The following TIAM1 variants were observed in gnomAD, a reference collection of about 807,000 sequenced individuals.
The protein encoded by TIAM1 is TIAM Rac1 associated GEF 1, also known as rho guanine nucleotide exchange factor TIAM1.
A neutral mutation model predicts 163.5 loss-of-function variants in TIAM1; 65 were observed. The ratio of observed to expected loss-of-function variants is 0.40; its 90% CI spans 0.33 to 0.49. The LOEUF (loss-of-function observed/expected upper bound fraction) is 0.49. Among genes scored for constraint, TIAM1 ranks in the 20% least tolerant of loss-of-function variants. The probability of loss-of-function intolerance (pLI) is 0.77; values close to 1 mark genes in which losing one functional copy is unlikely to be tolerated. For synonymous variants in TIAM1, 833 were observed against 810.1 expected (o/e 1.03, Z -0.48); for missense variants, 1,789 against 2,044.7 (o/e 0.87, Z 2.41).
chr21:31,166,050 A>C (rs2084199927), intron 15 of TIAM1, among the ~76,000 whole-genome samples: 1 of 152,224 alleles, frequency 6.6e-6, no homozygotes, highest in Non-Finnish European at 1.5e-5. Flanking sequence ...AAACTGACAG[A>C]GCATCTGGAT....
intron 1 of TIAM1, among the ~76,000 whole-genome samples, chr21:31,513,749 T>C (rs958225432): frequency 6.6e-6 from 1 of 152,244 alleles, no homozygotes; most frequent in Non-Finnish European, 1.5e-5. Flanking sequence ...GACTCATGCC[T>C]GTAATTCCAG....
At chr21:31,239,852 G>A (rs933700301) in intron 6 of TIAM1, among the ~76,000 whole-genome samples, 2 of 152,116 alleles carry the variant, frequency 1.3e-5, no homozygotes, top group Non-Finnish European at 2.9e-5. Context: ...CAAAGATGAG[G>A]AATAACTAGA....
chr21:31,468,196 TCA>T lies in TIAM1; in HGVS notation c.-421-4163_-421-4162del, dbSNP rs1276758776. ...TTATTTAAGAATCCAGAAGGGTTGG[TCA>T]CACACAGTGGCTCACGCATGTAATC... On this transcript the variant is annotated intron_variant, in intron 1 of 28. Transcript: ENST00000286827. Among the ~76,000 whole-genome samples the T allele has an allele frequency of 2.0e-5, 3 of 151,396 alleles. No individual in the cohort carries two copies. The East Asian group carries it at 5.9e-4, about 30-fold the overall frequency.
intron 1 of TIAM1, among the ~76,000 whole-genome samples, chr21:31,475,779 G>A (rs929052961): frequency 7.2e-5 from 11 of 152,202 alleles, no homozygotes; most frequent in African/African-American, 2.4e-4. Context: ...AGAAAACAGC[G>A]AAACGATCTT....
chr21:31,275,103 CAG>C (rs531862672), intron 3 of TIAM1, among the ~76,000 whole-genome samples: 201 of 143,302 alleles, frequency 1.4e-3, no homozygotes, highest in African/African-American at 4.6e-3. Flanking sequence ...GCCTGGGTGA[CAG>C]AGCAAAATGC....
chr21:31,291,554 C>T (rs1034410520), intron 2 of TIAM1, among the ~76,000 whole-genome samples: 13 of 152,306 alleles, frequency 8.5e-5, no homozygotes, highest in East Asian at 1.9e-4. Context: ...GATGGAGTCT[C>T]GCTCTGTCGC....
chr21:31,377,853 T>C (rs1323363584), intron 2 of TIAM1, among the ~76,000 whole-genome samples: 1 of 147,292 alleles, frequency 6.8e-6, no homozygotes, highest in East Asian at 2.0e-4. Context: ...AAAAAAAAAG[T>C]GGGCCAGGTG....
intron 2 of TIAM1, among the ~76,000 whole-genome samples, chr21:31,360,685 TGCACAC>T (rs1324390559): frequency 3.3e-5 from 5 of 152,158 alleles, no homozygotes; most frequent in African/African-American, 1.2e-4. Context: ...AACACACACA[TGCACAC>T]AACTGTACAA....
chr21:31,187,112 G>A (rs778218422), intron 13 of TIAM1, 25 bp from the exon 14 acceptor site: 2 of 1,607,382 alleles, frequency 1.2e-6, no homozygotes, highest in Non-Finnish European at 8.5e-7. Context: ...AAGACAGAAT[G>A]GCAGGGCTCA....
At chr21:31,285,908 T>A (rs1161463369) in intron 2 of TIAM1, among the ~76,000 whole-genome samples, 5 of 152,004 alleles carry the variant, frequency 3.3e-5, no homozygotes, top group Admixed American at 3.3e-4. Flanking sequence ...AAAGAGAGAG[T>A]TCAGTCTTCC....
intron 2 of TIAM1, among the ~76,000 whole-genome samples, chr21:31,418,556 T>C (rs1469916655): frequency 1.3e-5 from 2 of 151,978 alleles, no homozygotes; most frequent in Non-Finnish European, 2.9e-5. Context: ...TACAAAGACC[T>C]GCAGCATCCT....
At chr21:31,336,329 G>A (rs2075838042) in intron 2 of TIAM1, among the ~76,000 whole-genome samples, 1 of 152,148 alleles carries the variant, frequency 6.6e-6, no homozygotes, top group African/African-American at 2.4e-5. Flanking sequence ...TCACATAAAT[G>A]TGCTTAAACT....
intron 2 of TIAM1, among the ~76,000 whole-genome samples, chr21:31,278,854 GA>G (rs2073419856): frequency 1.3e-5 from 2 of 152,152 alleles, no homozygotes; most frequent in South Asian, 4.2e-4. Context: ...GCGAATTTCC[GA>G]ATTTCCAAAG....
intron 1 of TIAM1, among the ~76,000 whole-genome samples, chr21:31,548,481 TTTG>T (rs1270805408): frequency 6.8e-6 from 1 of 146,838 alleles, no homozygotes; most frequent in South Asian, 2.2e-4. Context: ...ACCTTAACCT[TTTG>T]TTGTTGTTTT....
intron 6 of TIAM1, among the ~76,000 whole-genome samples, chr21:31,228,401 A>G (rs1191056320): frequency 6.6e-6 from 1 of 151,974 alleles, no homozygotes; most frequent in African/African-American, 2.4e-5. Context: ...ATTACCTACT[A>G]AAGTTGAATA....
chr21:31,464,972 C>T (rs776987101), intron 1 of TIAM1, among the ~76,000 whole-genome samples: 1 of 151,730 alleles, frequency 6.6e-6, no homozygotes, highest in African/African-American at 2.4e-5. Context: ...ATGGCACCGC[C>T]GCACTCCAGC....
At chr21:31,129,360 C>T (rs1201354321) in intron 25 of TIAM1, among the ~76,000 whole-genome samples, 1 of 152,194 alleles carries the variant, frequency 6.6e-6, no homozygotes, top group Non-Finnish European at 1.5e-5. Context: ...ACTCACTTCA[C>T]TGCTATGTGG....
chr21:31,496,488 A>G (rs7282166), intron 1 of TIAM1, among the ~76,000 whole-genome samples: 88,387 of 146,166 alleles, frequency 0.6, 27,315 homozygotes, highest in East Asian at 0.85. Context: ...AAAAAATGGA[A>G]ACTATCTTTT....
chr21:31,263,096 A>C (rs1195054886), intron 4 of TIAM1, among the ~76,000 whole-genome samples: 1 of 152,198 alleles, frequency 6.6e-6, no homozygotes, highest in African/African-American at 2.4e-5. Flanking sequence ...GCGGGTGGAT[A>C]GTGTTGTGCA....
Sources: allele counts gnomAD v4.1 joint callset (sites outside exome capture counted in the v4.1 genomes callset), GRCh38; gene constraint gnomAD v4.1.1; transcripts MANE v1.5; gene names NCBI Gene and HGNC (gene_info 2026-07-23, HGNC 2026-07-21).